The following TAFA2 variants were observed in gnomAD, a reference collection of about 807,000 sequenced individuals.
TAFA2 encodes the protein chemokine-like protein TAFA-2.
In TAFA2, 7 loss-of-function variants were observed where a neutral mutation model predicts 18.8. The ratio of observed to expected loss-of-function variants is 0.37; its 90% CI spans 0.21 to 0.70. The LOEUF is 0.70. Among genes scored for constraint, TAFA2 ranks in the 30% least tolerant of loss-of-function variants. The pLI is 0.53. For synonymous variants in TAFA2, 60 were observed against 54.2 expected, an observed-to-expected ratio of 1.11 and a Z score of -0.47; for missense variants, 122 against 158.1, an observed-to-expected ratio of 0.77 and a Z score of 1.23.
At chr12:61,977,451 C>G (rs1241479007) in intron 1 of TAFA2, among the ~76,000 whole-genome samples, 1 of 151,986 alleles carries the variant, frequency 6.6e-6, no homozygotes, top group African/African-American at 2.4e-5. Context: ...TTTGACTTTC[C>G]TATTTGACCT....
chr12:62,063,955 G>A (rs1301973669), intron 1 of TAFA2, among the ~76,000 whole-genome samples: 1 of 151,842 alleles, frequency 6.6e-6, no homozygotes, highest in Non-Finnish European at 1.5e-5. Context: ...GCAACTTGTA[G>A]AAAAACAATG....
chr12:62,006,666 C>T (rs1012471702), intron 1 of TAFA2, among the ~76,000 whole-genome samples: 7 of 152,144 alleles, frequency 4.6e-5, no homozygotes, highest in African/African-American at 9.6e-5. Context: ...CATATTTTAC[C>T]GAGGAAACTG....
At chr12:62,111,575 C>T (rs1015685569) in intron 1 of TAFA2, among the ~76,000 whole-genome samples, 2 of 152,074 alleles carry the variant, frequency 1.3e-5, no homozygotes, top group Non-Finnish European at 1.5e-5. Context: ...CTGTCTAATA[C>T]TGACAGTGTG....
intron 2 of TAFA2, among the ~76,000 whole-genome samples, chr12:61,807,573 A>G (rs1165948437): frequency 6.6e-6 from 1 of 151,366 alleles, no homozygotes; most frequent in East Asian, 1.9e-4. Flanking sequence ...CTAGAATGGT[A>G]GATCCACTGA....
intron 1 of TAFA2, among the ~76,000 whole-genome samples, chr12:62,008,563 T>C (rs1175494284): frequency 2.6e-5 from 4 of 152,198 alleles, no homozygotes; most frequent in Admixed American, 6.5e-5. Flanking sequence ...CTAAGTCTAA[T>C]TCTAAGTCTA....
chr12:61,713,742 T>C (rs1028998297), intron 4 of TAFA2, among the ~76,000 whole-genome samples: 1 of 152,206 alleles, frequency 6.6e-6, no homozygotes, highest in Non-Finnish European at 1.5e-5. Context: ...CAACCTTTTA[T>C]GATTTGTATG....
chr12:62,056,385 G>A lies in TAFA2; in HGVS notation c.-2+134874C>T, dbSNP rs1208110444. On this transcript the variant is annotated intron_variant, in intron 1 of 4. Coordinates refer to ENST00000416284, the MANE Select transcript of TAFA2 (RefSeq NM_178539.5). The stretch of plus-strand genomic sequence containing the variant: ...CAACTAACCACAATATTTAGACATT[G>A]AAAAGTTCAACTGATGTTTACAACC... 2.0e-5 allele frequency among the ~76,000 whole-genome samples: 3 copies of A among 152,172 alleles called. No homozygotes were observed. In the East Asian group the frequency reaches 5.8e-4, roughly 29 times the overall value.
intron 1 of TAFA2, among the ~76,000 whole-genome samples, chr12:62,170,687 C>T (rs1308167013): frequency 2.6e-5 from 4 of 151,922 alleles, no homozygotes; most frequent in South Asian, 2.1e-4. Context: ...TGCAGAGTGG[C>T]GAAGTCTGTG....
At chr12:61,846,841 G>T (rs1034680170) in intron 2 of TAFA2, among the ~76,000 whole-genome samples, 3 of 152,082 alleles carry the variant, frequency 2.0e-5, no homozygotes, top group Non-Finnish European at 2.9e-5. Context: ...CATTAGTGTG[G>T]TAAAAGGTCT....
chr12:62,240,956 C>T (rs891827796), intron 1 of TAFA2, among the ~76,000 whole-genome samples: 2 of 152,158 alleles, frequency 1.3e-5, no homozygotes, highest in Non-Finnish European at 1.5e-5. Flanking sequence ...ATAGTTTCAT[C>T]CCAAAACTAT....
At chr12:62,236,880 A>C (rs1184454349) in intron 1 of TAFA2, among the ~76,000 whole-genome samples, 1 of 151,966 alleles carries the variant, frequency 6.6e-6, no homozygotes, top group African/African-American at 2.4e-5. Context: ...TTAGAATCCC[A>C]TCTTTGTTCT....
chr12:62,009,777 A>G (rs1341104982), intron 1 of TAFA2, among the ~76,000 whole-genome samples: 1 of 152,208 alleles, frequency 6.6e-6, no homozygotes, highest in Admixed American at 6.5e-5. Context: ...AAAGTCAAAA[A>G]ATGAGCAGTT....
chr12:61,941,395 A>G lies in TAFA2; in HGVS notation c.-1-73969T>C, dbSNP rs535296893. On this transcript the variant is annotated intron_variant, in intron 1 of 4. Coordinates refer to ENST00000416284, the MANE Select transcript of TAFA2 (RefSeq NM_178539.5). ...TTCGAAAGTACTGGTCTAGTGAATTAATAGGGTAGGCAAAACAAGATCTTG... is the reference window on the plus strand; with the variant it reads ...TTCGAAAGTACTGGTCTAGTGAATTGATAGGGTAGGCAAAACAAGATCTTG... Among the ~76,000 whole-genome samples, 10 of 152,330 alleles carry G rather than the reference A, an allele frequency of 6.6e-5. No individual in the cohort carries two copies. In the South Asian group the frequency reaches 2.1e-3, roughly 32 times the overall value.
chr12:62,231,175 T>G (rs1039048172), intron 1 of TAFA2, among the ~76,000 whole-genome samples: 8 of 152,196 alleles, frequency 5.3e-5, no homozygotes, highest in Non-Finnish European at 8.8e-5. Flanking sequence ...AGTCCATCTC[T>G]CCCTTTATAT....
chr12:61,927,814 T>C (rs533818202), intron 1 of TAFA2, among the ~76,000 whole-genome samples: 7 of 152,194 alleles, frequency 4.6e-5, no homozygotes, highest in Admixed American at 3.9e-4. Context: ...AAAACAGATA[T>C]ACAGACCAAT....
At chr12:61,855,481 C>A (rs953842041) in intron 2 of TAFA2, among the ~76,000 whole-genome samples, 1 of 151,950 alleles carries the variant, frequency 6.6e-6, no homozygotes, top group African/African-American at 2.4e-5. Context: ...AAATTTTGAT[C>A]CAGAACAACA....
At chr12:62,170,974 TAGC>T in intron 1 of TAFA2, among the ~76,000 whole-genome samples, 2 of 152,318 alleles carry the variant, frequency 1.3e-5, no homozygotes, top group East Asian at 3.9e-4. Context: ...TACACTCCTG[TAGC>T]ATTTCTAAAT....
rs1373974278 is a variant in TAFA2 at position 62,154,605 on chromosome 12, AC to A, written c.-2+36653del. Among the ~76,000 whole-genome samples the A allele has an allele frequency of 2.6e-5, 4 of 152,146 alleles. No homozygotes were observed. In the East Asian group the frequency reaches 7.7e-4, roughly 29 times the overall value. On this transcript the variant is annotated intron_variant, in intron 1 of 4. Coordinates refer to ENST00000416284, the MANE Select transcript of TAFA2 (RefSeq NM_178539.5). The stretch of plus-strand genomic sequence containing the variant: ...TAATATATTTGAAAGTGTTTTGTTA[AC>A]CATAAAGTTAAGGAAGTCAATTTAT...
chr12:62,257,146 A>C (rs75137161), intron 1 of TAFA2, among the ~76,000 whole-genome samples: 1 of 6,874 alleles, frequency 1.5e-4, no homozygotes, highest in African/African-American at 5.2e-4. Flanking sequence ...ACATGTGTAT[A>C]TATATATACA....
Sources: gnomAD v4.1 joint callset for allele counts (sites outside exome capture counted in the v4.1 genomes callset) on GRCh38, gnomAD v4.1.1 for gene constraint, MANE v1.5 for transcripts, NCBI Gene and HGNC (gene_info 2026-07-23, HGNC 2026-07-21) for gene names.